EPN2: variants seen among roughly 807,000 people sequenced by gnomAD.
EPN2 encodes the protein epsin 2.
In EPN2, 34 loss-of-function variants were observed where a neutral mutation model predicts 61.7. That is an observed-to-expected ratio of 0.55 (90% CI 0.42 to 0.73). The LOEUF is 0.73. Among genes scored for constraint, EPN2 ranks in the 30% least tolerant of loss-of-function variants. EPN2 has a pLI of 0.00. For synonymous variants in EPN2, 349 were observed against 353.6 expected (o/e 0.99, Z 0.15); for missense variants, 714 against 839.2 (o/e 0.85, Z 1.84).
intron 1 of EPN2, among the ~76,000 whole-genome samples, chr17:19,256,505 C>CT (rs988484272): frequency 1.3e-5 from 2 of 149,730 alleles, no homozygotes; most frequent in African/African-American, 2.5e-5. Context: ...CATTTCATGT[C>CT]TTTTTAGCAT....
chr17:19,310,385 C>A (rs1906064179), intron 5 of EPN2, among the ~76,000 whole-genome samples: 1 of 152,110 alleles, frequency 6.6e-6, no homozygotes, highest in Non-Finnish European at 1.5e-5. Flanking sequence ...CAGGAGCCAG[C>A]CCAGCCCCCG....
At position 19,302,895 on chromosome 17, in the gene EPN2, C is replaced by T. The variant is rs563541963; in HGVS notation, c.767-6990C>T. 2.0e-5 allele frequency among the ~76,000 whole-genome samples: 3 copies of T among 152,066 alleles called. No homozygotes were observed. The East Asian group carries it at 5.8e-4, about 29-fold the overall frequency. On this transcript the variant is annotated intron_variant, in intron 4 of 10. Transcript: ENST00000314728. Reference sequence around the variant, plus strand: ...AGGGCCCGTGCTCTCGTCTGCCACACTGGGCTGCTCTCTCAGGCTGATGAC... The same window carrying T: ...AGGGCCCGTGCTCTCGTCTGCCACATTGGGCTGCTCTCTCAGGCTGATGAC...
intron 1 of EPN2, among the ~76,000 whole-genome samples, chr17:19,268,268 GTT>G (rs2045219964): frequency 1.3e-5 from 2 of 152,240 alleles, no homozygotes; most frequent in Admixed American, 1.3e-4. Flanking sequence ...ATCTGTGCTT[GTT>G]CAGATCCCCT....
intron 7 of EPN2, among the ~76,000 whole-genome samples, chr17:19,323,378 T>C (rs1255647615): frequency 6.6e-6 from 1 of 152,184 alleles, no homozygotes; most frequent in African/African-American, 2.4e-5. Context: ...GTTTGGAGTT[T>C]CAGAAGAGCT....
chr17:19,327,266 C>G (rs1016358391), intron 7 of EPN2, among the ~76,000 whole-genome samples: 2 of 152,124 alleles, frequency 1.3e-5, no homozygotes, highest in African/African-American at 4.8e-5. Context: ...TAGAATGGAA[C>G]AAAACAAATT....
At chr17:19,258,767 C>G (rs972242907) in intron 1 of EPN2, among the ~76,000 whole-genome samples, 1 of 152,168 alleles carries the variant, frequency 6.6e-6, no homozygotes, top group Non-Finnish European at 1.5e-5. Context: ...GCAGGGTTCC[C>G]ACACAGGGAA....
At chr17:19,266,411 T>A (rs201013173) in intron 1 of EPN2, among the ~76,000 whole-genome samples, 5,078 of 151,604 alleles carry the variant, frequency 0.033, 346 homozygotes, top group South Asian at 0.19. Flanking sequence ...TTTTATTTTT[T>A]TTTTTTTTTG....
chr17:19,270,146 A>G (rs967437013), intron 1 of EPN2, among the ~76,000 whole-genome samples: 1 of 151,722 alleles, frequency 6.6e-6, no homozygotes, highest in Non-Finnish European at 1.5e-5. Context: ...AGATATGAAT[A>G]AGAAGAATAA....
intron 5 of EPN2, 28 bp downstream of exon 5, chr17:19,310,025 C>A: frequency 6.8e-7 from 1 of 1,464,578 alleles, no homozygotes; most frequent in African/African-American, 1.4e-5. Context: ...GTCTGCACTG[C>A]ATTGACTGCC....
chr17:19,242,747 C>G (rs1567839729), intron 1 of EPN2, among the ~76,000 whole-genome samples: 2 of 152,142 alleles, frequency 1.3e-5, no homozygotes, highest in African/African-American at 2.4e-5. Context: ...TCATGGTAAC[C>G]CTGCTGATAT....
Position 19,328,736 on chromosome 17 carries a change from C to T in EPN2, c.1173C>T (p.Asp391=), listed in dbSNP as rs1456007226. The T allele has an allele frequency of 1.2e-6, 2 of 1,612,428 alleles. No individual in the cohort carries two copies. Among genetic ancestry groups the T allele is most frequent in the Non-Finnish European group, 1.7e-6 (2 of 1,179,124 alleles). The change falls in exon 8 of 11, where the codon GAC becomes GAT. Residue 391 remains aspartate, a synonymous_variant. Coordinates refer to ENST00000314728, the MANE Select transcript of EPN2 (RefSeq NM_014964.5). The stretch of plus-strand genomic sequence containing the variant: ...GTACCAAGCCAGCTGCCTCCATTGA[C>T]CCATGGGGGGTGCCCACTGGAGCCA... ...SFGTKPAASI[D]PWGVPTGATV...
intron 1 of EPN2, among the ~76,000 whole-genome samples, chr17:19,261,413 C>T (rs536635001): frequency 4.6e-5 from 7 of 152,166 alleles, no homozygotes; most frequent in Non-Finnish European, 8.8e-5. Flanking sequence ...CGATTTTTCT[C>T]TTGGGTTATT....
chr17:19,327,379 C>T (rs777174553), intron 7 of EPN2, among the ~76,000 whole-genome samples: 1 of 152,002 alleles, frequency 6.6e-6, no homozygotes, highest in African/African-American at 2.4e-5. Flanking sequence ...ATATAAAGTT[C>T]GGAAAATAGG....
chr17:19,324,394 C>T lies in EPN2; in HGVS notation c.1148-4317C>T, dbSNP rs900496430. Among the ~76,000 whole-genome samples the T allele has an allele frequency of 2.5e-4, 38 of 152,186 alleles. 1 individual carries two copies. Among genetic ancestry groups the T allele is most frequent in the Admixed American group, 2.3e-3 (35 of 15,288 alleles). On this transcript the variant is annotated intron_variant, in intron 7 of 10. Transcript: ENST00000314728. ...TGTTGCCCAGGCTGGAGTGCGATGG[C>T]GTGATCTCAGCTCACTGTAACCTCT...
chr17:19,314,199 C>T (rs997762074), intron 7 of EPN2, among the ~76,000 whole-genome samples: 1 of 152,050 alleles, frequency 6.6e-6, no homozygotes, highest in Non-Finnish European at 1.5e-5. Flanking sequence ...TTGTCAAGGC[C>T]CTGCTCAGGA....
chr17:19,319,475 C>T (rs1013912955), intron 7 of EPN2, among the ~76,000 whole-genome samples: 14 of 151,412 alleles, frequency 9.2e-5, no homozygotes, highest in Non-Finnish European at 1.9e-4. Flanking sequence ...AGATTACAGG[C>T]GAGTGCCACT....
At chr17:19,333,854 G>T in intron 10 of EPN2, 102 bp from the exon 11 acceptor site, 1 of 966,540 alleles carries the variant, frequency 1.0e-6, no homozygotes, top group Non-Finnish European at 1.5e-6. Flanking sequence ...GGGCTCTGAG[G>T]GCACAGCAGG....
intron 1 of EPN2, chr17:19,249,470 G>T (rs977957508): frequency 1.3e-5 from 2 of 152,228 alleles, no homozygotes. Context: ...ACTCCTTTCA[G>T]TTAAGCAGCT....
chr17:19,309,092 C>T (rs1380217683), intron 4 of EPN2, among the ~76,000 whole-genome samples: 1 of 150,456 alleles, frequency 6.6e-6, no homozygotes, highest in Non-Finnish European at 1.5e-5. Flanking sequence ...AATGGGCGGG[C>T]TTCATTTTCC....
Sources: allele counts gnomAD v4.1 joint callset (sites outside exome capture counted in the v4.1 genomes callset), GRCh38; gene constraint gnomAD v4.1.1; transcripts MANE v1.5; gene names NCBI Gene and HGNC (gene_info 2026-07-23, HGNC 2026-07-21).